The following PHF21B variants were observed in gnomAD, a reference collection of about 807,000 sequenced individuals.
PHF21B encodes the protein PHD finger protein 4.
In PHF21B, 22 loss-of-function variants were observed where a neutral mutation model predicts 62.2. The observed-to-expected ratio is 0.35, with a 90% CI of 0.25 to 0.51. The LOEUF (loss-of-function observed/expected upper bound fraction) is 0.51. Ranked by LOEUF, PHF21B falls within the 20% of genes least tolerant of loss-of-function variation. PHF21B has a pLI of 0.97. For missense variants in PHF21B, 701 were observed against 707.9 expected, an observed-to-expected ratio of 0.99 and a Z score of 0.11; for synonymous variants, 341 against 314.7, an observed-to-expected ratio of 1.08 and a Z score of -0.88.
chr22:45,008,919 T>G (rs1675919547), intron 1 of PHF21B: 1 of 1,129,116 alleles, frequency 8.9e-7, no homozygotes, highest in African/African-American at 1.7e-5. Flanking sequence ...TGAGTGTGAG[T>G]GTGTGCCGGG....
intron 9 of PHF21B, 51 bp from the exon 10 acceptor site, chr22:44,888,172 G>GGGGCCGGTCAGCCA: frequency 7.0e-7 from 1 of 1,438,480 alleles, no homozygotes; most frequent in Non-Finnish European, 9.2e-7. Flanking sequence ...CAGGGCAGCG[G>GGGGCCGGTCAGCCA]GGGCCGGTCA....
chr22:44,965,288 A>G (rs2072503242), intron 2 of PHF21B, among the ~76,000 whole-genome samples: 1 of 151,908 alleles, frequency 6.6e-6, no homozygotes, highest in Admixed American at 6.6e-5. Flanking sequence ...ATCCCCCTCA[A>G]GATGCCTCCC....
rs1434263761 is a variant in PHF21B, at chr22:44,960,927, G to A, written c.121-40437C>T. The stretch of plus-strand genomic sequence containing the variant: ...CCCACTGCAGATCCTGGGACTTGAG[G>A]ATCTGTCCCTTCAAAATCACGTGAG... On this transcript the variant is annotated intron_variant, in intron 2 of 12. Coordinates refer to ENST00000313237, the MANE Select transcript of PHF21B (RefSeq NM_138415.5). 2.0e-5 allele frequency among the ~76,000 whole-genome samples: 3 copies of A among 150,100 alleles called. No homozygotes were observed. In the East Asian group the frequency reaches 5.9e-4, roughly 29 times the overall value.
chr22:44,993,421 C>T (rs919998791), intron 2 of PHF21B, among the ~76,000 whole-genome samples: 1 of 152,222 alleles, frequency 6.6e-6, no homozygotes, highest in Non-Finnish European at 1.5e-5. Flanking sequence ...ACAGCGGCAC[C>T]GGCTCCATCC....
intron 2 of PHF21B, chr22:44,969,088 T>A (rs951267780): frequency 1.3e-5 from 2 of 152,342 alleles, no homozygotes; most frequent in Non-Finnish European, 2.9e-5. Context: ...TCTGCAGGCG[T>A]CACTGCTTCG....
chr22:44,982,548 G>T lies in PHF21B; in HGVS notation c.120+25997C>A, dbSNP rs896267884. 2.6e-5 allele frequency among the ~76,000 whole-genome samples: 4 copies of T among 152,270 alleles called. No homozygotes were observed. In the South Asian group the frequency reaches 6.2e-4, roughly 24 times the overall value. On this transcript the variant is annotated intron_variant, in intron 2 of 12. Transcript: ENST00000313237. ...CCTCCACAGGCCCAAGTGCTCGGCG[G>T]GTCCTAAGCAAACTCCCCCATGGGC...
chr22:44,991,791 G>T (rs1186681126), intron 2 of PHF21B, among the ~76,000 whole-genome samples: 3 of 152,252 alleles, frequency 2.0e-5, no homozygotes, highest in Non-Finnish European at 4.4e-5. Context: ...TCCATAAGCA[G>T]GACTCACCTG....
At chr22:44,990,070 C>T (rs1601685727) in intron 2 of PHF21B, among the ~76,000 whole-genome samples, 1 of 152,232 alleles carries the variant, frequency 6.6e-6, no homozygotes, top group Non-Finnish European at 1.5e-5. Context: ...ATGCCCGTGT[C>T]CCCTGGGCAG....
chr22:44,885,412 GC>G lies in PHF21B; in HGVS notation c.1377+13del. On this transcript the variant is annotated intron_variant, in intron 12 of 12. Transcript: ENST00000313237. Reference sequence around the variant, plus strand: ...CAGGGCTGAGGCCAGCCTCCCCCAGGCCCCGGGGCACACCTGCACTGCTGAC... The same window carrying G: ...CAGGGCTGAGGCCAGCCTCCCCCAGGCCCGGGGCACACCTGCACTGCTGAC... 4.5e-6 allele frequency: 7 copies of G among 1,559,910 alleles called. No homozygotes were observed. Among genetic ancestry groups the G allele is most frequent in the Admixed American group, 1.9e-5 (1 of 52,920 alleles).
chr22:44,919,994 T>G (rs1457373853), intron 3 of PHF21B, among the ~76,000 whole-genome samples: 1 of 152,046 alleles, frequency 6.6e-6, no homozygotes, highest in Non-Finnish European at 1.5e-5. Flanking sequence ...CTGAAATGAA[T>G]CCCCTCGTCC....
chr22:44,881,318 C>A lies in PHF21B; in HGVS notation c.*1768G>T, dbSNP rs1601554066. 1 of 152,688 alleles carries A rather than the reference C, an allele frequency of 6.5e-6. No homozygotes were observed. The highest frequency in any genetic ancestry group is 1.5e-5 in the Non-Finnish European group (1 of 68,056). 9.5% of individuals were successfully genotyped at this position (152,688 alleles called of 1,614,324 possible). ...TCTCAAGACACATCGGCAGCTACCC[C>A]TCCCGGGTCCAACCTTTCAGATCCT... On this transcript the variant is annotated 3_prime_UTR_variant, in exon 13 of 13. Transcript: ENST00000313237.
At chr22:44,985,906 G>GCAC (rs932241434) in intron 2 of PHF21B, among the ~76,000 whole-genome samples, 3 of 140,340 alleles carry the variant, frequency 2.1e-5, no homozygotes, top group African/African-American at 8.1e-5. Flanking sequence ...ATCACCATGA[G>GCAC]CACCACCATC....
intron 2 of PHF21B, among the ~76,000 whole-genome samples, chr22:44,940,461 CAGG>C (rs756515401): frequency 2.0e-5 from 3 of 152,192 alleles, no homozygotes; most frequent in Non-Finnish European, 4.4e-5. Flanking sequence ...CAACAGGATG[CAGG>C]AGGATTTTAA....
chr22:44,981,500 T>C (rs1359005649), intron 2 of PHF21B, among the ~76,000 whole-genome samples: 1 of 152,214 alleles, frequency 6.6e-6, no homozygotes, highest in Non-Finnish European at 1.5e-5. Flanking sequence ...CAGCAGGTGC[T>C]CAGGAAGCCC....
intron 9 of PHF21B, among the ~76,000 whole-genome samples, chr22:44,888,425 G>A (rs2070898692): frequency 6.6e-6 from 1 of 152,130 alleles, no homozygotes; most frequent in Non-Finnish European, 1.5e-5. Context: ...CTAAGACCTG[G>A]ACCCCAGGTG....
intron 4 of PHF21B, among the ~76,000 whole-genome samples, chr22:44,915,549 G>A (rs892706463): frequency 3.3e-5 from 5 of 152,212 alleles, no homozygotes; most frequent in African/African-American, 7.2e-5. Flanking sequence ...CTCAGTGGGC[G>A]GGAGAGCCTG....
chr22:44,887,156 C>CAAAAAAA (rs565346064), intron 10 of PHF21B, among the ~76,000 whole-genome samples: 3 of 65,076 alleles, frequency 4.6e-5, no homozygotes, highest in African/African-American at 1.3e-4. Context: ...AACTCCATCT[C>CAAAAAAA]AAAAAAAAAA....
Position 44,896,399 on chromosome 22 carries a change from C to A in PHF21B, c.832-316G>T, listed in dbSNP as rs150782112. On this transcript the variant is annotated intron_variant, in intron 5 of 12. Transcript: ENST00000313237. ...CCCCAACCACTAAGGCCCCTAACTC[C>A]AGACACCAAGTCAGTTTCTAAGAAA... 2.3e-3 allele frequency among the ~76,000 whole-genome samples: 345 copies of A among 152,204 alleles called. 2 individuals are homozygous for A. The highest frequency in any genetic ancestry group is 3.8e-3 in the Non-Finnish European group (259 of 67,990).
At chr22:44,897,151 C>T (rs1055367902) in intron 5 of PHF21B, among the ~76,000 whole-genome samples, 1 of 152,046 alleles carries the variant, frequency 6.6e-6, no homozygotes, top group African/African-American at 2.4e-5. Flanking sequence ...GTATTATAGA[C>T]GTGGGCCACC....
Sources: gnomAD v4.1 joint callset for allele counts (sites outside exome capture counted in the v4.1 genomes callset) on GRCh38, gnomAD v4.1.1 for gene constraint, MANE v1.5 for transcripts, NCBI Gene and HGNC (gene_info 2026-07-23, HGNC 2026-07-21) for gene names.